SDK1: variants seen among roughly 807,000 people sequenced by gnomAD.
SDK1 encodes the protein sidekick cell adhesion molecule 1, also known as protein sidekick-1.
SDK1 carries 157 observed loss-of-function variants against 245.5 expected under a neutral mutation model. The ratio of observed to expected loss-of-function variants is 0.64; its 90% CI spans 0.56 to 0.73. The LOEUF is 0.73. Among genes scored for constraint, SDK1 ranks in the 30% least tolerant of loss-of-function variants. The pLI, the probability that SDK1 is intolerant of heterozygous loss-of-function variation, is 0.00. For synonymous variants in SDK1, 1,647 were observed against 1,278.5 expected, an observed-to-expected ratio of 1.29 and a Z score of -6.15; for missense variants, 3,583 against 3,002.3, an observed-to-expected ratio of 1.19 and a Z score of -4.52.
At chr7:3,586,948 G>A (rs1330905737) in intron 1 of SDK1, among the ~76,000 whole-genome samples, 1 of 152,108 alleles carries the variant, frequency 6.6e-6, no homozygotes, top group African/African-American at 2.4e-5. Flanking sequence ...CGTTGAGAGT[G>A]CATACAGAGT....
In SDK1 at chr7:3,723,937, T is replaced by G. The variant is rs1229818554; in HGVS notation, c.713+81832T>G. Among the ~76,000 whole-genome samples, 17 of 119,194 alleles carry G rather than the reference T, an allele frequency of 1.4e-4. 1 individual carries two copies. The highest frequency in any genetic ancestry group is 2.8e-4 in the African/African-American group (9 of 31,778). The allele number at this position is 119,194 out of a possible 152,430, so 78.2% of individuals were successfully genotyped here. On this transcript the variant is annotated intron_variant, in intron 4 of 44. Transcript: ENST00000404826. ...ATATATATACACGTATATATATATA[T>G]ATATATAGAGAGAGAGAGAGAGAGA...
intron 1 of SDK1, among the ~76,000 whole-genome samples, chr7:3,539,201 G>T (rs186996635): frequency 6.6e-6 from 1 of 152,150 alleles, no homozygotes; most frequent in East Asian, 1.9e-4. Context: ...GAGGCCAGGG[G>T]ATCTCACTTG....
intron 5 of SDK1, among the ~76,000 whole-genome samples, chr7:3,822,791 A>C (rs1484983891): frequency 6.6e-6 from 1 of 152,030 alleles, no homozygotes; most frequent in Non-Finnish European, 1.5e-5. Flanking sequence ...AAAAAAAAGA[A>C]AAGTATGTGG....
intron 4 of SDK1, among the ~76,000 whole-genome samples, chr7:3,648,625 G>C (rs568672997): frequency 6.6e-6 from 1 of 152,242 alleles, no homozygotes; most frequent in East Asian, 1.9e-4. Context: ...TTAAATTAGC[G>C]CTTGCATTGG....
At chr7:3,651,423 T>G (rs945639935) in intron 4 of SDK1, among the ~76,000 whole-genome samples, 1 of 152,246 alleles carries the variant, frequency 6.6e-6, no homozygotes, top group African/African-American at 2.4e-5. Flanking sequence ...GTTCATTTAT[T>G]TGAAAAGTCA....
chr7:4,043,348 A>T (rs9691924), intron 17 of SDK1, among the ~76,000 whole-genome samples: 2 of 148,878 alleles, frequency 1.3e-5, no homozygotes, highest in African/African-American at 5.1e-5. Context: ...AGTGAGTGTC[A>T]CAGCCAGGGA....
chr7:3,701,445 A>G (rs572048971), intron 4 of SDK1, among the ~76,000 whole-genome samples: 2 of 152,252 alleles, frequency 1.3e-5, no homozygotes, highest in African/African-American at 4.8e-5. Flanking sequence ...TACAGAAAAG[A>G]TTGTTCTAGT....
chr7:3,361,503 C>T (rs548205823), intron 1 of SDK1, among the ~76,000 whole-genome samples: 6 of 152,300 alleles, frequency 3.9e-5, no homozygotes, highest in Admixed American at 2.6e-4. Context: ...CTCTCACCTT[C>T]GTTTCCCACA....
intron 1 of SDK1, among the ~76,000 whole-genome samples, chr7:3,405,428 G>C (rs370024031): frequency 3.3e-5 from 5 of 152,210 alleles, no homozygotes; most frequent in Middle Eastern, 3.4e-3. Flanking sequence ...CTGACCACCG[G>C]TTTTTGTATT....
At chr7:3,895,858 G>A (rs1476841979) in intron 5 of SDK1, among the ~76,000 whole-genome samples, 2 of 152,054 alleles carry the variant, frequency 1.3e-5, no homozygotes, top group Non-Finnish European at 2.9e-5. Context: ...ATTTATAAGT[G>A]TGTTGTTAAG....
At chr7:3,783,311 C>G (rs980947312) in intron 4 of SDK1, among the ~76,000 whole-genome samples, 2 of 152,090 alleles carry the variant, frequency 1.3e-5, no homozygotes, top group African/African-American at 4.8e-5. Flanking sequence ...ACAAACATGC[C>G]TATTCTTGCC....
At chr7:4,193,758 T>G (rs1451567080) in intron 35 of SDK1, among the ~76,000 whole-genome samples, 1 of 152,164 alleles carries the variant, frequency 6.6e-6, no homozygotes, top group Non-Finnish European at 1.5e-5. Flanking sequence ...CTTAGCAGAC[T>G]TGAGACTCAG....
intron 5 of SDK1, among the ~76,000 whole-genome samples, chr7:3,858,570 T>G (rs1174348626): frequency 1.3e-5 from 2 of 152,088 alleles, no homozygotes; most frequent in Non-Finnish European, 2.9e-5. Flanking sequence ...CCTTTCCAAG[T>G]CGTCTATGTC....
chr7:4,081,979 A>C (rs1454245581), intron 22 of SDK1, among the ~76,000 whole-genome samples: 1 of 152,228 alleles, frequency 6.6e-6, no homozygotes, highest in South Asian at 2.1e-4. Context: ...AATGTTTAAC[A>C]AAAGGAAAAC....
chr7:3,892,013 T>C (rs1306452467), intron 5 of SDK1, among the ~76,000 whole-genome samples: 3 of 152,216 alleles, frequency 2.0e-5, no homozygotes, highest in African/African-American at 7.2e-5. Flanking sequence ...TAGGCCAATT[T>C]TCTAAGTTAT....
intron 4 of SDK1, among the ~76,000 whole-genome samples, chr7:3,789,895 C>T (rs1413325933): frequency 6.9e-6 from 1 of 145,712 alleles, no homozygotes; most frequent in Non-Finnish European, 1.5e-5. Context: ...TGGACAGGCT[C>T]GAGGACAGGC....
intron 5 of SDK1, among the ~76,000 whole-genome samples, chr7:3,828,322 T>C (rs1168263514): frequency 6.6e-6 from 1 of 151,970 alleles, no homozygotes; most frequent in African/African-American, 2.4e-5. Context: ...TATATGACTT[T>C]TGGCATATAA....
At chr7:3,975,956 C>T (rs374074650) in intron 13 of SDK1, among the ~76,000 whole-genome samples, 157 of 133,902 alleles carry the variant, frequency 1.2e-3, no homozygotes, top group East Asian at 3.5e-3. Context: ...GAGGCTGCCA[C>T]GCAGAGGGTC....
At chr7:3,675,609 T>A (rs140814988) in intron 4 of SDK1, among the ~76,000 whole-genome samples, 304 of 152,268 alleles carry the variant, frequency 2.0e-3, no homozygotes, top group Non-Finnish European at 3.5e-3. Context: ...GGTCTTGTTC[T>A]GTCACCCAGG....
Sources: allele counts gnomAD v4.1 joint callset (sites outside exome capture counted in the v4.1 genomes callset), GRCh38; gene constraint gnomAD v4.1.1; transcripts MANE v1.5; gene names NCBI Gene and HGNC (gene_info 2026-07-23, HGNC 2026-07-21).